TSHR: variants seen among roughly 807,000 people sequenced by gnomAD.
The protein encoded by TSHR is thyrotropin receptor.
TSHR carries 51 observed loss-of-function variants against 64.1 expected under a neutral mutation model. That is an observed-to-expected ratio of 0.80 (90% CI 0.64 to 1.01). The LOEUF (loss-of-function observed/expected upper bound fraction) is 1.01. Among genes scored for constraint, TSHR ranks in the 50% least tolerant of loss-of-function variants. TSHR has a pLI of 0.00. For synonymous variants in TSHR, 361 were observed against 361.9 expected, an observed-to-expected ratio of 1.00 and a Z score of 0.03; for missense variants, 877 against 942.8, an observed-to-expected ratio of 0.93 and a Z score of 0.91.
chr14:81,076,780 CT>C (rs1205115885), intron 3 of TSHR, among the ~76,000 whole-genome samples: 1 of 152,188 alleles, frequency 6.6e-6, no homozygotes, highest in African/African-American at 2.4e-5. Context: ...TATATCTTAA[CT>C]GGTATTCCCA....
At chr14:80,967,580 C>T (rs1594897741) in intron 1 of TSHR, among the ~76,000 whole-genome samples, 1 of 152,098 alleles carries the variant, frequency 6.6e-6, no homozygotes, top group South Asian at 2.1e-4. Flanking sequence ...CCACCCCGCC[C>T]GGCCCTGACC....
rs2234919 is a variant in TSHR at position 80,955,834 on chromosome 14, C to A, written c.154C>A (p.Pro52Thr). The A allele has an allele frequency of 0.063, 100,934 of 1,614,144 alleles. 4,507 individuals carry two copies. The highest frequency in any genetic ancestry group is 0.2 in the South Asian group (18,098 of 91,080). ...KDIQRIPSLP[P>T]STQTLKLIET... is the part of the protein sequence containing the mutation. ...TATTCAACGCATCCCCAGCTTACCG[C>A]CCAGTACGCAGACTCTGTGAGTACC... Residue 52 changes from proline (P) to threonine (T), a missense_variant, in exon 1 of 10, where the codon CCC becomes ACC. Coordinates refer to ENST00000298171, the MANE Select transcript of TSHR (RefSeq NM_000369.5).
intron 1 of TSHR, chr14:81,049,796 T>A (rs1283951385): frequency 6.6e-6 from 1 of 152,138 alleles, no homozygotes; most frequent in East Asian, 1.9e-4. Flanking sequence ...ACAAGAGCTG[T>A]TGGTTTTTAA....
intron 3 of TSHR, among the ~76,000 whole-genome samples, chr14:81,071,375 T>G (rs985735567): frequency 1.2e-4 from 18 of 152,352 alleles, no homozygotes; most frequent in African/African-American, 4.3e-4. Context: ...CAAATTGTCA[T>G]ACTTCTTTCT....
intron 1 of TSHR, among the ~76,000 whole-genome samples, chr14:81,038,311 C>T (rs1376530919): frequency 6.6e-6 from 1 of 151,584 alleles, no homozygotes; most frequent in Non-Finnish European, 1.5e-5. Context: ...CAACACACCT[C>T]AATCTATGGG....
At chr14:81,096,844 G>A (rs1889231644) in intron 7 of TSHR, 137 bp downstream of exon 7, 8 of 1,008,544 alleles carry the variant, frequency 7.9e-6, no homozygotes, top group South Asian at 2.7e-5. Flanking sequence ...ATGGAAATGA[G>A]GTCAAGGAAC....
At chr14:81,091,266 A>G in intron 5 of TSHR, 123 bp downstream of exon 5, 1 of 861,168 alleles carries the variant, frequency 1.2e-6, no homozygotes, top group Non-Finnish European at 1.9e-6. Flanking sequence ...AGCAATGATC[A>G]GGTGTGACTA....
intron 1 of TSHR, chr14:80,981,897 C>A: frequency 5.1e-6 from 1 of 196,340 alleles, no homozygotes; most frequent in East Asian, 1.3e-4. Flanking sequence ...AAGTTTTTCC[C>A]TGACACAGTG....
intron 3 of TSHR, among the ~76,000 whole-genome samples, chr14:81,072,768 C>T (rs1039691189): frequency 2.9e-5 from 4 of 137,940 alleles, no homozygotes; most frequent in East Asian, 3.9e-4. Flanking sequence ...GAGGCCGAGG[C>T]GGGCGGATCA....
At chr14:80,995,160 A>G (rs941373816) in intron 1 of TSHR, 3 of 152,190 alleles carry the variant, frequency 2.0e-5, no homozygotes, top group Non-Finnish European at 2.9e-5. Flanking sequence ...GCAAATCAAA[A>G]CCACAATGAG....
At chr14:81,080,792 G>A (rs1207004283) in intron 3 of TSHR, among the ~76,000 whole-genome samples, 1 of 152,132 alleles carries the variant, frequency 6.6e-6, no homozygotes, top group Non-Finnish European at 1.5e-5. Flanking sequence ...TGAAAAGTAA[G>A]TGCTAGTCTA....
chr14:81,107,168 C>A (rs1231637096), intron 7 of TSHR: 1 of 152,092 alleles, frequency 6.6e-6, no homozygotes, highest in Admixed American at 6.5e-5. Flanking sequence ...AGGGAAGTTT[C>A]TCTGTGAGGG....
intron 1 of TSHR, chr14:81,032,941 A>T (rs989418272): frequency 1.9e-5 from 7 of 362,330 alleles, no homozygotes; most frequent in Non-Finnish European, 3.2e-5. Flanking sequence ...ACAAGCTTCT[A>T]GTCAAAAGAG....
intron 1 of TSHR, among the ~76,000 whole-genome samples, chr14:80,980,747 G>A (rs1340766873): frequency 6.6e-6 from 1 of 152,084 alleles, no homozygotes; most frequent in Admixed American, 6.5e-5. Flanking sequence ...TTAGATGTAA[G>A]TTGGATCATC....
intron 1 of TSHR, among the ~76,000 whole-genome samples, chr14:81,044,579 A>G (rs1303860869): frequency 5.3e-5 from 8 of 149,782 alleles, no homozygotes; most frequent in African/African-American, 1.7e-4. Flanking sequence ...ACTTGCTTGA[A>G]CCTGGGAGGC....
At chr14:81,015,194 G>A (rs377265034) in intron 1 of TSHR, among the ~76,000 whole-genome samples, 13 of 152,130 alleles carry the variant, frequency 8.5e-5, no homozygotes, top group Admixed American at 5.9e-4. Context: ...TAAGCATTGA[G>A]TTTTCTTGCC....
rs757875222 is a variant in TSHR at position 81,143,781 on chromosome 14, G to A, written c.1723G>A (p.Glu575Lys). The change falls in exon 10 of 10, where the codon GAG (glutamate) becomes AAG (lysine). Residue 575 changes from glutamate (E) to lysine (K), a missense_variant. Coordinates refer to ENST00000298171, the MANE Select transcript of TSHR (RefSeq NM_000369.5). Reference protein sequence around the residue: ...KVSICLPMDTETPLALAYIVF... With the variant: ...KVSICLPMDTKTPLALAYIVF... The stretch of plus-strand genomic sequence containing the variant: ...CAGTATCTGCCTGCCCATGGACACC[G>A]AGACCCCTCTTGCTCTGGCATATAT... 11 of 1,613,890 alleles carry A rather than the reference G, an allele frequency of 6.8e-6. No homozygotes were observed. Among genetic ancestry groups the A allele is most frequent in the African/African-American group, 2.7e-5 (2 of 74,912 alleles).
intron 1 of TSHR, among the ~76,000 whole-genome samples, chr14:81,035,978 A>G (rs935509907): frequency 6.6e-6 from 1 of 152,204 alleles, no homozygotes; most frequent in African/African-American, 2.4e-5. Flanking sequence ...AGCAGACTAA[A>G]TTAAGCAGAA....
Position 81,108,449 on chromosome 14 carries a change from T to C in TSHR, c.689T>C (p.Leu230Ser). The C allele has an allele frequency of 6.2e-7, 1 of 1,613,334 alleles. No homozygotes were observed. The highest frequency in any genetic ancestry group is 1.1e-5 in the South Asian group (1 of 91,018). Residue 230 changes from leucine to serine, a missense_variant, in exon 8 of 10, where the codon TTG becomes TCG. Coordinates refer to ENST00000298171, the MANE Select transcript of TSHR (RefSeq NM_000369.5). ...AFGGVYSGPS[L>S]LDVSQTSVTA... The stretch of plus-strand genomic sequence containing the variant: ...GGAGGAGTATACAGTGGACCAAGCT[T>C]GCTGTGAGTAAGACATACAAAAGAA...
Sources: gnomAD v4.1 joint callset for allele counts (sites outside exome capture counted in the v4.1 genomes callset) on GRCh38, gnomAD v4.1.1 for gene constraint, MANE v1.5 for transcripts, NCBI Gene and HGNC (gene_info 2026-07-23, HGNC 2026-07-21) for gene names.